The following P3H2 variants were observed in gnomAD, a reference collection of about 807,000 sequenced individuals.
P3H2 encodes leprecan-like 1.
P3H2 carries 80 observed loss-of-function variants against 87.0 expected under a neutral mutation model. The ratio of observed to expected loss-of-function variants is 0.92; its 90% confidence interval spans 0.77 to 1.11. The LOEUF (loss-of-function observed/expected upper bound fraction) is 1.11, where lower values mean the gene tolerates loss of function less well. Ranked by LOEUF, P3H2 falls within the 50% of genes least tolerant of loss-of-function variation. The probability of loss-of-function intolerance (pLI) is 0.00; values close to 1 mark genes in which losing one functional copy is unlikely to be tolerated. For synonymous variants in P3H2, 367 were observed against 359.3 expected (o/e 1.02, Z -0.24); for missense variants, 1,001 against 923.9 (o/e 1.08, Z -1.08).
At chr3:190,039,789 T>A (rs1390527353) in intron 1 of P3H2, among the ~76,000 whole-genome samples, 1 of 152,214 alleles carries the variant, frequency 6.6e-6, no homozygotes, top group Non-Finnish European at 1.5e-5. Flanking sequence ...TTTCTACTGA[T>A]CATGAGGTCA....
At chr3:190,075,533 G>C (rs778058583) in intron 1 of P3H2, among the ~76,000 whole-genome samples, 1 of 151,488 alleles carries the variant, frequency 6.6e-6, no homozygotes, top group Non-Finnish European at 1.5e-5. Context: ...AAAAGAAAAA[G>C]TGCACCAAGA....
At chr3:190,081,991 C>T (rs947368734) in intron 1 of P3H2, among the ~76,000 whole-genome samples, 10 of 152,246 alleles carry the variant, frequency 6.6e-5, no homozygotes, top group Middle Eastern at 3.4e-3. Flanking sequence ...CAATGGGTCA[C>T]GCCTGTAATC....
At chr3:190,047,150 C>T (rs983159484) in intron 1 of P3H2, among the ~76,000 whole-genome samples, 1 of 152,172 alleles carries the variant, frequency 6.6e-6, no homozygotes, top group African/African-American at 2.4e-5. Context: ...AGGTGCTCAA[C>T]ATCACCAATC....
rs957192814 is a variant in P3H2, at chr3:190,046,356, G to A, written c.481-50914C>T. ...TGCCAAACACCAAAGGGGTAAGATCGACATAATCCCTTTATTTCTGTGACC... is the reference window on the plus strand; with the variant it reads ...TGCCAAACACCAAAGGGGTAAGATCAACATAATCCCTTTATTTCTGTGACC... On this transcript the variant is annotated intron_variant, in intron 1 of 14. Transcript: ENST00000319332. 3.3e-5 allele frequency among the ~76,000 whole-genome samples: 5 copies of A among 152,158 alleles called. No individual in the cohort carries two copies. The South Asian group carries it at 6.2e-4, about 19-fold the overall frequency.
At chr3:189,997,145 C>T (rs844392) in intron 1 of P3H2, among the ~76,000 whole-genome samples, 28,754 of 152,128 alleles carry the variant, frequency 0.19, 3,170 homozygotes, top group Non-Finnish European at 0.26. Flanking sequence ...CCTCAGCCTC[C>T]GAAGTAGCTG....
intron 6 of P3H2, among the ~76,000 whole-genome samples, chr3:189,985,465 T>C (rs1173069426): frequency 4.0e-5 from 6 of 151,746 alleles, no homozygotes; most frequent in African/African-American, 1.4e-4. Context: ...AGGATTCAAA[T>C]GCCTGTTCAA....
At chr3:190,062,911 A>C (rs1726378308) in intron 1 of P3H2, among the ~76,000 whole-genome samples, 1 of 152,148 alleles carries the variant, frequency 6.6e-6, no homozygotes, top group African/African-American at 2.4e-5. Flanking sequence ...ATAACATCAG[A>C]ATTGGGAGCA....
intron 6 of P3H2, among the ~76,000 whole-genome samples, chr3:189,984,915 A>C (rs1418434642): frequency 6.6e-6 from 1 of 152,120 alleles, no homozygotes; most frequent in African/African-American, 2.4e-5. Flanking sequence ...CATTCAGTTC[A>C]ACTTCTTTAT....
At chr3:190,092,685 T>C (rs1210466010) in intron 1 of P3H2, among the ~76,000 whole-genome samples, 1 of 152,244 alleles carries the variant, frequency 6.6e-6, no homozygotes, top group African/African-American at 2.4e-5. Context: ...TGTGCCCTTT[T>C]ATTTTGAAAG....
In P3H2 at chr3:190,027,975, A is replaced by T. The variant is rs554951770; in HGVS notation, c.481-32533T>A. On this transcript the variant is annotated intron_variant, in intron 1 of 14. Coordinates refer to ENST00000319332, the MANE Select transcript of P3H2 (RefSeq NM_018192.4). ...AGAGCAAGACTCCATCGCAAAAAAA[A>T]AAAAAATAAAGAACCAGGCTTCCAC... Among the ~76,000 whole-genome samples, 20 of 152,100 alleles carry T rather than the reference A, an allele frequency of 1.3e-4. 1 individual carries two copies. Among genetic ancestry groups the T allele is most frequent in the Admixed American group, 1.2e-3 (19 of 15,284 alleles).
chr3:190,032,778 C>G (rs1725294251), intron 1 of P3H2, among the ~76,000 whole-genome samples: 1 of 152,006 alleles, frequency 6.6e-6, no homozygotes, highest in African/African-American at 2.4e-5. Context: ...TCAGCGGTCT[C>G]CAGCCTTTTT....
At chr3:189,977,344 A>T (rs1723382712) in intron 8 of P3H2, among the ~76,000 whole-genome samples, 1 of 152,134 alleles carries the variant, frequency 6.6e-6, no homozygotes. Flanking sequence ...ACTGGAGAGG[A>T]TCACATGGCA....
In P3H2 at chr3:190,025,525, T is replaced by C. The variant is rs189589775; in HGVS notation, c.481-30083A>G. Among the ~76,000 whole-genome samples, 13 of 152,264 alleles carry C rather than the reference T, an allele frequency of 8.5e-5. No homozygotes were observed. The East Asian group carries it at 2.3e-3, about 27-fold the overall frequency. On this transcript the variant is annotated intron_variant, in intron 1 of 14. Coordinates refer to ENST00000319332, the MANE Select transcript of P3H2 (RefSeq NM_018192.4). ...CCCAAGTATAAAGAAGACATAATAA[T>C]AGTATTCACCTGTGAGGGTTATGAT...
intron 1 of P3H2, among the ~76,000 whole-genome samples, chr3:190,029,274 G>C (rs984477247): frequency 2.0e-5 from 3 of 152,172 alleles, no homozygotes; most frequent in African/African-American, 7.2e-5. Context: ...TTCTTATTTA[G>C]TCTCAGTCTC....
In P3H2 at chr3:190,075,483, CT is replaced by C. The variant is rs556483902; in HGVS notation, c.480+44768del. Among the ~76,000 whole-genome samples, 9 of 130,958 alleles carry C rather than the reference CT, an allele frequency of 6.9e-5. No individual in the cohort carries two copies. The South Asian group carries it at 2.2e-3, about 32-fold the overall frequency. The allele number at this position is 130,958 out of a possible 152,430, so 85.9% of individuals were successfully genotyped here. A position where few individuals can be genotyped will look rare whatever the true frequency, so the allele number is the denominator to read the frequency against. On this transcript the variant is annotated intron_variant, in intron 1 of 14. Transcript: ENST00000319332. ...CTGGGCAACAAGAGGGAAACTCCGTCTCAAAAAAAAAAAAGAAAAAAAGAAA... is the reference window on the plus strand; with the variant it reads ...CTGGGCAACAAGAGGGAAACTCCGTCCAAAAAAAAAAAAGAAAAAAAGAAA...
At chr3:190,084,871 A>G (rs2108981729) in intron 1 of P3H2, among the ~76,000 whole-genome samples, 1 of 152,118 alleles carries the variant, frequency 6.6e-6, no homozygotes, top group East Asian at 1.9e-4. Flanking sequence ...GGTGTAAGAT[A>G]GTATGTACAT....
Position 189,963,589 on chromosome 3 carries a change from C to T in P3H2, c.2034+369G>A, listed in dbSNP as rs533320060. 1.9e-4 allele frequency: 48 copies of T among 251,226 alleles called. No individual in the cohort carries two copies. The South Asian group carries it at 1.9e-3, about 10-fold the overall frequency. The allele number at this position is 251,226 out of a possible 1,614,324, so 15.6% of individuals were successfully genotyped here. A position where few individuals can be genotyped will look rare whatever the true frequency, so the allele number is the denominator to read the frequency against. On this transcript the variant is annotated intron_variant, in intron 14 of 14. Coordinates refer to ENST00000319332, the MANE Select transcript of P3H2 (RefSeq NM_018192.4). ...CTTCCCGAGTAACTGGAACTACAGGCGCATGCCACCACATCCAGCTAATTT... is the reference window on the plus strand; with the variant it reads ...CTTCCCGAGTAACTGGAACTACAGGTGCATGCCACCACATCCAGCTAATTT...
At chr3:189,984,309 T>G (rs1723623464) in intron 7 of P3H2, among the ~76,000 whole-genome samples, 1 of 121,056 alleles carries the variant, frequency 8.3e-6, no homozygotes, top group Non-Finnish European at 1.8e-5. Flanking sequence ...AAGCACCTGA[T>G]TTAACCCTTT....
intron 1 of P3H2, among the ~76,000 whole-genome samples, chr3:190,066,143 G>GTGTATATATATATATATA (rs58939026): frequency 6.3e-4 from 88 of 138,690 alleles, no homozygotes; most frequent in African/African-American, 1.3e-3. Context: ...ACTGTGGTGT[G>GTGTATATATATATATATA]TATATATATA....
Sources: gnomAD v4.1 joint callset for allele counts (sites outside exome capture counted in the v4.1 genomes callset) on GRCh38, gnomAD v4.1.1 for gene constraint, MANE v1.5 for transcripts, NCBI Gene and HGNC (gene_info 2026-07-23, HGNC 2026-07-21) for gene names.